Variants in CC2D2B observed in about 807,000 individuals in gnomAD.
CC2D2B encodes protein CC2D2B.
Under a neutral mutation model 161.2 loss-of-function variants are expected in CC2D2B, and 128 were observed. The observed-to-expected ratio is 0.79, with a 90% CI of 0.69 to 0.92. The LOEUF (loss-of-function observed/expected upper bound fraction) is 0.92. Ranked by LOEUF, CC2D2B falls within the 40% of genes least tolerant of loss-of-function variation. The pLI is 0.00. For missense variants in CC2D2B, 1,173 were observed against 1,375.1 expected, an observed-to-expected ratio of 0.85 and a Z score of 2.32; for synonymous variants, 391 against 449.8, an observed-to-expected ratio of 0.87 and a Z score of 1.65.
chr10:96,025,210 T>A (rs1590936913), intron 33 of CC2D2B, among the ~76,000 whole-genome samples: 1 of 128,252 alleles, frequency 7.8e-6, no homozygotes, highest in African/African-American at 3.0e-5. Flanking sequence ...TATATATATA[T>A]ATATATATAT....
chr10:95,933,936 G>A (rs561691747), intron 6 of CC2D2B, among the ~76,000 whole-genome samples: 44 of 152,308 alleles, frequency 2.9e-4, no homozygotes, highest in Non-Finnish European at 5.0e-4. Flanking sequence ...GCTCTCTTCA[G>A]AGCTGGCAGG....
At chr10:96,016,765 G>A (rs1262273179) in intron 30 of CC2D2B, among the ~76,000 whole-genome samples, 2 of 152,138 alleles carry the variant, frequency 1.3e-5, no homozygotes, top group East Asian at 3.8e-4. Flanking sequence ...TTGCTGCCCA[G>A]GCTGGAGGGC....
At position 95,938,026 on chromosome 10, in the gene CC2D2B, A is replaced by T; in HGVS notation, c.372A>T (p.Ser124=). ...ACCGTAGTTATCCCAAATGCTTTTC[A>T]CTTGGTGTTAATTTACAAAATGTTG... ...PVNRSYPKCF[S]LGVNLQNVAE... is the part of the protein sequence containing the mutation. Residue 124 remains serine (S), a synonymous_variant, in exon 7 of 35, where the codon TCA becomes TCT. Coordinates refer to ENST00000646931, the MANE Select transcript of CC2D2B (RefSeq NM_001349008.3). 6.4e-7 allele frequency: 1 copy of T among 1,550,886 alleles called. No homozygotes were observed. The highest frequency in any genetic ancestry group is 8.7e-7 in the Non-Finnish European group (1 of 1,146,354).
intron 26 of CC2D2B, among the ~76,000 whole-genome samples, chr10:96,011,622 T>C (rs577050150): frequency 5.3e-5 from 8 of 152,044 alleles, no homozygotes; most frequent in South Asian, 2.1e-4. Context: ...TCATGGATTA[T>C]TGCAGCCTCA....
intron 20 of CC2D2B, among the ~76,000 whole-genome samples, chr10:95,989,590 C>T (rs2077869141): frequency 6.6e-6 from 1 of 152,148 alleles, no homozygotes; most frequent in African/African-American, 2.4e-5. Flanking sequence ...TCCTCCTTAT[C>T]CTGTTTCTTC....
chr10:96,007,620 G>A (rs547896496), intron 25 of CC2D2B, among the ~76,000 whole-genome samples: 1 of 152,212 alleles, frequency 6.6e-6, no homozygotes, highest in Non-Finnish European at 1.5e-5. Context: ...AAGTGGATGG[G>A]GTAACTTCCT....
chr10:95,922,519 A>G (rs986285267), intron 3 of CC2D2B, among the ~76,000 whole-genome samples: 1 of 152,218 alleles, frequency 6.6e-6, no homozygotes, highest in African/African-American at 2.4e-5. Flanking sequence ...TAATTTTTAA[A>G]TTTTACCAAG....
At chr10:95,952,736 A>G (rs1053483536) in intron 10 of CC2D2B, among the ~76,000 whole-genome samples, 1 of 152,162 alleles carries the variant, frequency 6.6e-6, no homozygotes, top group Non-Finnish European at 1.5e-5. Context: ...CTATATATAT[A>G]TAAGTCCATA....
In CC2D2B at chr10:96,027,194, T is replaced by G; in HGVS notation, c.3948-18T>G. The G allele has an allele frequency of 6.8e-7, 1 of 1,481,462 alleles. No individual in the cohort carries two copies. 91.8% of individuals were successfully genotyped at this position (1,481,462 alleles called of 1,614,324 possible). ...AGTTATAACTTGTCATAAAATTACCTTTGGATTCTTACCTTAGGATCGAAA... is the reference window on the plus strand; with the variant it reads ...AGTTATAACTTGTCATAAAATTACCGTTGGATTCTTACCTTAGGATCGAAA... On this transcript the variant is annotated intron_variant, in intron 33 of 34. Transcript: ENST00000646931.
At chr10:95,971,388 C>CAAAAAAAAAAA (rs200214465) in intron 15 of CC2D2B, among the ~76,000 whole-genome samples, 1 of 99,648 alleles carries the variant, frequency 1.0e-5, no homozygotes, top group Non-Finnish European at 2.0e-5. Context: ...GACTCAACCT[C>CAAAAAAAAAAA]AAAAAAAAAA....
chr10:95,911,827 A>AC (rs566505901), intron 2 of CC2D2B, among the ~76,000 whole-genome samples: 75 of 152,118 alleles, frequency 4.9e-4, no homozygotes, highest in Non-Finnish European at 9.1e-4. Context: ...AATAAGGGAG[A>AC]CCCTCTATCA....
Position 95,945,942 on chromosome 10 carries a change from G to A in CC2D2B, c.802-3954G>A, listed in dbSNP as rs187202254. On this transcript the variant is annotated intron_variant, in intron 9 of 34. Transcript: ENST00000646931. Reference sequence around the variant, plus strand: ...TGGGATTACAGGTGTGCACCACCACGCCTGGCTAATTTTTGTATTTTTAGT... The same window carrying A: ...TGGGATTACAGGTGTGCACCACCACACCTGGCTAATTTTTGTATTTTTAGT... 1.2e-3 allele frequency among the ~76,000 whole-genome samples: 179 copies of A among 151,978 alleles called. 2 individuals are homozygous for A. Among genetic ancestry groups the A allele is most frequent in the Admixed American group, 5.4e-3 (83 of 15,282 alleles).
chr10:95,943,989 G>A lies in CC2D2B; in HGVS notation c.801+5064G>A, dbSNP rs546848757. Among the ~76,000 whole-genome samples the A allele has an allele frequency of 7.2e-5, 11 of 152,116 alleles. No homozygotes were observed. The South Asian group carries it at 1.7e-3, about 23-fold the overall frequency. On this transcript the variant is annotated intron_variant, in intron 9 of 34. Transcript: ENST00000646931. Reference sequence around the variant, plus strand: ...GGCTCATTCTGTATCTATATTTTCCGTTTACCTAGTATTTTCTCTGCTTGA... The same window carrying A: ...GGCTCATTCTGTATCTATATTTTCCATTTACCTAGTATTTTCTCTGCTTGA...
At chr10:95,953,380 A>T (rs2076468914) in intron 10 of CC2D2B, among the ~76,000 whole-genome samples, 1 of 152,066 alleles carries the variant, frequency 6.6e-6, no homozygotes, top group Non-Finnish European at 1.5e-5. Context: ...TTTTAAAAAA[A>T]TTTTAAGAAA....
In CC2D2B at chr10:96,004,034, TATA is replaced by T; in HGVS notation, c.2850-117_2850-115del. On this transcript the variant is annotated intron_variant, in intron 24 of 34. Coordinates refer to ENST00000646931, the MANE Select transcript of CC2D2B (RefSeq NM_001349008.3). ...CAGAACATAGAACTTTTTCTTAGTTTATACTTCATAAAAGAAAACAACACAGGT... is the reference window on the plus strand; with the variant it reads ...CAGAACATAGAACTTTTTCTTAGTTTCTTCATAAAAGAAAACAACACAGGT... 4.8e-6 allele frequency: 3 copies of T among 629,600 alleles called. No individual in the cohort carries two copies. The East Asian group carries it at 9.9e-5, about 21-fold the overall frequency. The allele number at this position is 629,600 out of a possible 1,614,324, so 39.0% of individuals were successfully genotyped here.
Position 96,012,169 on chromosome 10 carries a change from T to A in CC2D2B, c.3046-16T>A. On this transcript the variant is annotated splice_polypyrimidine_tract_variant and intron_variant, in intron 26 of 34. Transcript: ENST00000646931. ...TTTCATCATGCATAATCCATTATACTGATATACTCTTTCAGATTAGTGGAA... is the reference window on the plus strand; with the variant it reads ...TTTCATCATGCATAATCCATTATACAGATATACTCTTTCAGATTAGTGGAA... The A allele has an allele frequency of 1.5e-6, 1 of 656,850 alleles. No individual in the cohort carries two copies. Among genetic ancestry groups the A allele is most frequent in the Non-Finnish European group, 2.8e-6 (1 of 359,966 alleles). 40.7% of individuals were successfully genotyped at this position (656,850 alleles called of 1,614,324 possible).
chr10:96,019,344 A>C lies in CC2D2B; in HGVS notation c.3765+7A>C. 6.2e-7 allele frequency: 1 copy of C among 1,602,290 alleles called. No homozygotes were observed. Among genetic ancestry groups the C allele is most frequent in the South Asian group, 1.1e-5 (1 of 88,608 alleles). ...TTTGTTTGATGATAGAAATGTAAGTATATGGGGAAAAAAAATCTTGAGTTA... is the reference window on the plus strand; with the variant it reads ...TTTGTTTGATGATAGAAATGTAAGTCTATGGGGAAAAAAAATCTTGAGTTA... On this transcript the variant is annotated splice_region_variant and intron_variant, in intron 31 of 34. Coordinates refer to ENST00000646931, the MANE Select transcript of CC2D2B (RefSeq NM_001349008.3).
chr10:95,946,326 G>A (rs2076197586), intron 9 of CC2D2B, among the ~76,000 whole-genome samples: 1 of 152,104 alleles, frequency 6.6e-6, no homozygotes, highest in Non-Finnish European at 1.5e-5. Flanking sequence ...TCTTAGCACT[G>A]TAGTCAGTAG....
At chr10:95,961,065 C>A (rs1404628137) in intron 11 of CC2D2B, among the ~76,000 whole-genome samples, 1 of 152,176 alleles carries the variant, frequency 6.6e-6, no homozygotes, top group Non-Finnish European at 1.5e-5. Context: ...GGACATGCAG[C>A]AGCTGGTTTG....
Sources: gnomAD v4.1 joint callset for allele counts (sites outside exome capture counted in the v4.1 genomes callset) on GRCh38, gnomAD v4.1.1 for gene constraint, MANE v1.5 for transcripts, NCBI Gene and HGNC (gene_info 2026-07-23, HGNC 2026-07-21) for gene names.